ZFP90: variants seen among roughly 807,000 people sequenced by gnomAD.
ZFP90 encodes the protein ZFP90 zinc finger protein, also known as zinc finger protein 90 homolog.
A neutral mutation model predicts 60.8 loss-of-function variants in ZFP90; 38 were observed. The ratio of observed to expected loss-of-function variants is 0.62; its 90% CI spans 0.48 to 0.82. The LOEUF (loss-of-function observed/expected upper bound fraction) is 0.82. ZFP90 is among the 40% of genes least tolerant of loss of function. The probability of loss-of-function intolerance (pLI) is 0.00; values close to 1 mark genes in which losing one functional copy is unlikely to be tolerated. For missense variants in ZFP90, 711 were observed against 759.1 expected, an observed-to-expected ratio of 0.94 and a Z score of 0.74; for synonymous variants, 287 against 264.8, an observed-to-expected ratio of 1.08 and a Z score of -0.82.
downstream of ZFP90, among the ~76,000 whole-genome samples, chr16:68,570,196 A>G (rs1597759447): frequency 3.3e-5 from 5 of 152,140 alleles, no homozygotes; most frequent in Admixed American, 6.5e-5. Flanking sequence ...ACCCACTCCA[A>G]TCAGGTCTTT....
intron 2 of ZFP90, 64 bp from the exon 3 acceptor site, chr16:68,557,934 C>T: frequency 6.2e-7 from 1 of 1,606,116 alleles, no homozygotes; most frequent in South Asian, 1.1e-5. Flanking sequence ...GCAGTATGTT[C>T]CCAGCATTGC....
chr16:68,552,694 C>A (rs1232276709), intron 2 of ZFP90, among the ~76,000 whole-genome samples: 2 of 152,062 alleles, frequency 1.3e-5, no homozygotes, highest in African/African-American at 4.8e-5. Flanking sequence ...CCCCAGGGGA[C>A]TAGGCCATGA....
downstream of ZFP90, among the ~76,000 whole-genome samples, chr16:68,567,749 A>AT (rs2091546098): frequency 6.6e-6 from 1 of 152,166 alleles, no homozygotes; most frequent in Non-Finnish European, 1.5e-5. Flanking sequence ...GCTCAAGCTA[A>AT]TTTTTTATGT....
intron 1 of ZFP90, 24 bp downstream of exon 1, chr16:68,539,503 C>T (rs1007645116): frequency 8.3e-6 from 4 of 479,062 alleles, no homozygotes; most frequent in Admixed American, 7.9e-5. Context: ...GGCGGGACCC[C>T]TCCTGGGTTT....
At chr16:68,538,274 G>A (rs542168324), upstream of ZFP90, among the ~76,000 whole-genome samples, 6 of 152,252 alleles carry the variant, frequency 3.9e-5, no homozygotes, top group African/African-American at 9.6e-5. Context: ...GGAACATTTC[G>A]TTGCAGTCAT....
Position 68,564,781 on chromosome 16 carries a change from A to G in ZFP90, c.*83A>G. On this transcript the variant is annotated 3_prime_UTR_variant, in exon 5 of 5. Coordinates refer to ENST00000563169, the MANE Select transcript of ZFP90 (RefSeq NM_001305203.2). The stretch of plus-strand genomic sequence containing the variant: ...TCAGAGGATTCTTAGAGAGCTTGGG[A>G]ATGTAATGAATTACGTGTGTGTTTA... 1 of 1,488,902 alleles carries G rather than the reference A, an allele frequency of 6.7e-7. No homozygotes were observed. The highest frequency in any genetic ancestry group is 2.6e-5 in the Admixed American group (1 of 39,174). The allele number at this position is 1,488,902 out of a possible 1,614,324, so 92.2% of individuals were successfully genotyped here.
Position 68,564,366 on chromosome 16 carries a change from T to C in ZFP90, c.1579T>C (p.Cys527Arg), listed in dbSNP as rs2091489001. 2 of 1,614,000 alleles carry C rather than the reference T, an allele frequency of 1.2e-6. No homozygotes were observed. The highest frequency in any genetic ancestry group is 2.2e-5 in the East Asian group (1 of 44,878). Residue 527 changes from cysteine to arginine, a missense_variant, in exon 5 of 5, where the codon TGT becomes CGT. Cys to Arg is a radical substitution (Grantham distance 180). Coordinates refer to ENST00000563169, the MANE Select transcript of ZFP90 (RefSeq NM_001305203.2). ...RIHTGEKPYECNECGEAFSRR... is the reference protein window; with the variant it reads ...RIHTGEKPYERNECGEAFSRR... Reference sequence around the variant, plus strand: ...TCATACTGGAGAGAAACCCTATGAATGTAATGAGTGTGGAGAAGCCTTTAG... The same window carrying C: ...TCATACTGGAGAGAAACCCTATGAACGTAATGAGTGTGGAGAAGCCTTTAG...
intron 2 of ZFP90, among the ~76,000 whole-genome samples, chr16:68,554,241 C>G (rs2091308002): frequency 6.6e-6 from 1 of 151,832 alleles, no homozygotes; most frequent in African/African-American, 2.4e-5. Flanking sequence ...CCTGCCTCAT[C>G]CTCCCGAGTA....
At position 68,567,047 on chromosome 16, in the gene ZFP90, AT is replaced by A. The variant is rs2152077287; in HGVS notation, c.*2350del. 2.0e-6 allele frequency: 2 copies of A among 985,602 alleles called. No individual in the cohort carries two copies. The highest frequency in any genetic ancestry group is 1.7e-5 in the African/African-American group (1 of 57,362). The allele number at this position is 985,602 out of a possible 1,614,324, so 61.1% of individuals were successfully genotyped here. A position where few individuals can be genotyped will look rare whatever the true frequency, so the allele number is the denominator to read the frequency against. ...CCCAACAGCCATGAACCATGCACTTATGGATACCCAGCCTTTTAGGGCTACG... is the reference window on the plus strand; with the variant it reads ...CCCAACAGCCATGAACCATGCACTTAGGATACCCAGCCTTTTAGGGCTACG... On this transcript the variant is annotated 3_prime_UTR_variant, in exon 5 of 5. Coordinates refer to ENST00000563169, the MANE Select transcript of ZFP90 (RefSeq NM_001305203.2).
At chr16:68,558,210 A>G in intron 3 of ZFP90, 86 bp downstream of exon 3, 6 of 1,573,520 alleles carry the variant, frequency 3.8e-6, no homozygotes, top group Non-Finnish European at 5.2e-6. Flanking sequence ...GAGCTTAGGT[A>G]ACTGTGACCA....
chr16:68,536,098 A>G (rs2090958773), upstream of ZFP90, among the ~76,000 whole-genome samples: 1 of 152,156 alleles, frequency 6.6e-6, no homozygotes, highest in African/African-American at 2.4e-5. Context: ...CACTTTCTAC[A>G]CAAACAGCAG....
intron 2 of ZFP90, 37 bp downstream of exon 2, chr16:68,539,862 C>G (rs999073591): frequency 5.0e-6 from 8 of 1,598,402 alleles, no homozygotes; most frequent in Non-Finnish European, 6.8e-6. Flanking sequence ...GGCATCCCAT[C>G]CATCTATCCA....
intron 2 of ZFP90, among the ~76,000 whole-genome samples, chr16:68,543,535 A>G (rs537573679): frequency 1.1e-4 from 17 of 150,228 alleles, no homozygotes; most frequent in Non-Finnish European, 2.2e-4. Flanking sequence ...ATGTCTATGT[A>G]AACATTATAC....
At chr16:68,539,846 C>G (rs761643597) in intron 2 of ZFP90, 21 bp downstream of exon 2, 1 of 1,605,348 alleles carries the variant, frequency 6.2e-7, no homozygotes, top group South Asian at 1.1e-5. Flanking sequence ...CGTTCCTAAC[C>G]TCCTGGGCAT....
At position 68,544,653 on chromosome 16, in the gene ZFP90, T is replaced by C. The variant is rs969157721; in HGVS notation, c.33+4828T>C. Among the ~76,000 whole-genome samples the C allele has an allele frequency of 2.6e-5, 4 of 152,004 alleles. No individual in the cohort carries two copies. In the East Asian group the frequency reaches 5.8e-4, roughly 22 times the overall value. On this transcript the variant is annotated intron_variant, in intron 2 of 4. Transcript: ENST00000563169. Reference sequence around the variant, plus strand: ...GGTCACCCAAACTTAGACAAGATGCTTCTGGGGCCACCAGGGGAAACCAGA... The same window carrying C: ...GGTCACCCAAACTTAGACAAGATGCCTCTGGGGCCACCAGGGGAAACCAGA...
Position 68,549,210 on chromosome 16 carries a change from A to G in ZFP90, c.34-8788A>G, listed in dbSNP as rs201080061. Among the ~76,000 whole-genome samples, 4 of 152,292 alleles carry G rather than the reference A, an allele frequency of 2.6e-5. No homozygotes were observed. In the East Asian group the frequency reaches 7.7e-4, roughly 29 times the overall value. ...AAATGACTGAGTTTAGTGTTTGCCTAGCAGCGAGTGTTCAAGAAATCTGAG... is the reference window on the plus strand; with the variant it reads ...AAATGACTGAGTTTAGTGTTTGCCTGGCAGCGAGTGTTCAAGAAATCTGAG... On this transcript the variant is annotated intron_variant, in intron 2 of 4. Transcript: ENST00000563169.
At position 68,565,151 on chromosome 16, in the gene ZFP90, C is replaced by T; in HGVS notation, c.*453C>T. On this transcript the variant is annotated 3_prime_UTR_variant, in exon 5 of 5. Transcript: ENST00000563169. ...ACCAGTTCCAACTCCAGGAAGTCAC[C>T]ATTCAAAGAATTAGATCAACTAGCC... The T allele has an allele frequency of 1.0e-6, 1 of 992,324 alleles. No individual in the cohort carries two copies. Among genetic ancestry groups the T allele is most frequent in the Non-Finnish European group, 1.2e-6 (1 of 834,372 alleles). The allele number at this position is 992,324 out of a possible 1,614,324, so 61.5% of individuals were successfully genotyped here.
At chr16:68,546,596 T>C (rs2091154298) in intron 2 of ZFP90, among the ~76,000 whole-genome samples, 1 of 152,146 alleles carries the variant, frequency 6.6e-6, no homozygotes, top group South Asian at 2.1e-4. Flanking sequence ...GCTCACTGCA[T>C]CCTCAGCCTC....
intron 2 of ZFP90, among the ~76,000 whole-genome samples, chr16:68,545,871 C>T (rs939942673): frequency 6.6e-6 from 1 of 151,384 alleles, no homozygotes; most frequent in African/African-American, 2.4e-5. Context: ...TGTTGTATTA[C>T]TTTTGTTAAA....
Sources: allele counts gnomAD v4.1 joint callset (sites outside exome capture counted in the v4.1 genomes callset), GRCh38; gene constraint gnomAD v4.1.1; transcripts MANE v1.5; gene names NCBI Gene and HGNC (gene_info 2026-07-23, HGNC 2026-07-21).